The following NAALADL2 variants were observed in gnomAD, a reference collection of about 807,000 sequenced individuals.
NAALADL2 encodes inactive N-acetylated-alpha-linked acidic dipeptidase-like protein 2.
A neutral mutation model predicts 87.2 loss-of-function variants in NAALADL2; 76 were observed. The ratio of observed to expected loss-of-function variants is 0.87; its 90% CI spans 0.72 to 1.05. The LOEUF is 1.05. Ranked by LOEUF, NAALADL2 falls within the 50% of genes least tolerant of loss-of-function variation. The pLI, the probability that NAALADL2 is intolerant of heterozygous loss-of-function variation, is 0.00. For missense variants in NAALADL2, 1,089 were observed against 945.8 expected, an observed-to-expected ratio of 1.15 and a Z score of -1.99; for synonymous variants, 354 against 331.0, an observed-to-expected ratio of 1.07 and a Z score of -0.75.
chr3:175,219,985 TC>T (rs1178521221), intron 2 of NAALADL2, among the ~76,000 whole-genome samples: 1 of 151,576 alleles, frequency 6.6e-6, no homozygotes, highest in Non-Finnish European at 1.5e-5. Flanking sequence ...AATGCTCTTT[TC>T]CAAACTTAGG....
At chr3:174,681,872 C>T (rs1170536566) in intron 2 of NAALADL2, among the ~76,000 whole-genome samples, 1 of 152,180 alleles carries the variant, frequency 6.6e-6, no homozygotes, top group East Asian at 1.9e-4. Flanking sequence ...TCTTTGATTG[C>T]ATTTCTGGAC....
At chr3:175,334,230 A>T (rs1761738738) in intron 5 of NAALADL2, among the ~76,000 whole-genome samples, 1 of 152,138 alleles carries the variant, frequency 6.6e-6, no homozygotes. Context: ...GGACAAAGCT[A>T]GATTAGGTAG....
intron 9 of NAALADL2, among the ~76,000 whole-genome samples, chr3:175,560,414 T>G (rs899938097): frequency 3.9e-5 from 6 of 152,272 alleles, no homozygotes; most frequent in Non-Finnish European, 5.9e-5. Flanking sequence ...TTTGTCTTGT[T>G]TTCATTTTAA....
At chr3:175,698,946 A>G (rs35198131) in intron 11 of NAALADL2, among the ~76,000 whole-genome samples, 2 of 152,104 alleles carry the variant, frequency 1.3e-5, no homozygotes, top group Non-Finnish European at 2.9e-5. Context: ...CTAATTCAGT[A>G]ATATACAACA....
intron 5 of NAALADL2, among the ~76,000 whole-genome samples, chr3:175,389,325 T>A (rs1560475410): frequency 6.6e-6 from 1 of 152,200 alleles, no homozygotes. Context: ...CCTGGCAGAA[T>A]TTACATTTAG....
intron 1 of NAALADL2, among the ~76,000 whole-genome samples, chr3:174,524,184 C>G (rs905891637): frequency 6.6e-6 from 1 of 152,040 alleles, no homozygotes; most frequent in Non-Finnish European, 1.5e-5. Context: ...GTATGATTGC[C>G]ACTACCTCTT....
At chr3:174,997,120 T>C (rs1216432756) in intron 1 of NAALADL2, among the ~76,000 whole-genome samples, 9 of 151,768 alleles carry the variant, frequency 5.9e-5, no homozygotes, top group Non-Finnish European at 1.2e-4. Flanking sequence ...AGCTTTGCAA[T>C]TGAGAATTGT....
intron 6 of NAALADL2, among the ~76,000 whole-genome samples, chr3:175,458,347 T>A (rs1234673561): frequency 1.3e-5 from 2 of 151,506 alleles, no homozygotes; most frequent in African/African-American, 4.8e-5. Flanking sequence ...GATTTATATC[T>A]GTATTTACTT....
At chr3:175,651,116 A>C (rs750330444) in intron 11 of NAALADL2, among the ~76,000 whole-genome samples, 1 of 152,114 alleles carries the variant, frequency 6.6e-6, no homozygotes, top group Non-Finnish European at 1.5e-5. Flanking sequence ...TCCCTGAAAA[A>C]ATTTTTTTAG....
rs115513131 is a variant in NAALADL2 at position 175,515,232 on chromosome 3, A to T, written c.1653+43474A>T. On this transcript the variant is annotated intron_variant, in intron 9 of 13. Transcript: ENST00000454872. ...CCATTAAAAATAGGCTATAAATTAG[A>T]GCAAGAAAATTCTGTCACACAGAAA... 3.0e-3 allele frequency among the ~76,000 whole-genome samples: 453 copies of T among 152,294 alleles called. 4 individuals carry two copies. Among genetic ancestry groups the T allele is most frequent in the African/African-American group, 0.01 (432 of 41,574 alleles).
intron 4 of NAALADL2, among the ~76,000 whole-genome samples, chr3:175,320,367 G>C (rs1205505942): frequency 3.3e-5 from 5 of 152,160 alleles, no homozygotes; most frequent in Non-Finnish European, 7.3e-5. Context: ...TGTCTCAAAT[G>C]ACAGGGTCTA....
At chr3:175,500,338 T>C (rs1280398924) in intron 9 of NAALADL2, among the ~76,000 whole-genome samples, 1 of 151,994 alleles carries the variant, frequency 6.6e-6, no homozygotes, top group Non-Finnish European at 1.5e-5. Flanking sequence ...GAAGTAGAGA[T>C]GGTAGTTTTT....
intron 1 of NAALADL2, chr3:174,864,134 A>T (rs1726848920): frequency 2.2e-6 from 1 of 450,290 alleles, no homozygotes; most frequent in Non-Finnish European, 4.5e-6. Context: ...GGTGCATGTG[A>T]AGATGGACTG....
At position 175,165,863 on chromosome 3, in the gene NAALADL2, C is replaced by G. The variant is rs1047856418; in HGVS notation, c.546-68068C>G. 2.0e-5 allele frequency among the ~76,000 whole-genome samples: 3 copies of G among 151,908 alleles called. No individual in the cohort carries two copies. In the South Asian group the frequency reaches 6.2e-4, roughly 32 times the overall value. The stretch of plus-strand genomic sequence containing the variant: ...TTAGCATCTTTACTGCCTCCCAGTG[C>G]CCTTCACTCTGATTGATCCACCCTC... On this transcript the variant is annotated intron_variant, in intron 2 of 13. Transcript: ENST00000454872.
intron 2 of NAALADL2, among the ~76,000 whole-genome samples, chr3:175,099,202 A>G (rs1721698177): frequency 6.6e-6 from 1 of 152,138 alleles, no homozygotes; most frequent in African/African-American, 2.4e-5. Context: ...TAAAATTTAA[A>G]ATAAATAATA....
intron 9 of NAALADL2, among the ~76,000 whole-genome samples, chr3:175,492,473 C>A (rs61064320): frequency 1.3e-5 from 2 of 152,018 alleles, no homozygotes; most frequent in African/African-American, 2.4e-5. Context: ...ATGATAAGTG[C>A]CATTCAAAGG....
At chr3:174,842,875 T>C (rs1724180009) in intron 3 of NAALADL2, among the ~76,000 whole-genome samples, 1 of 152,076 alleles carries the variant, frequency 6.6e-6, no homozygotes, top group Non-Finnish European at 1.5e-5. Flanking sequence ...GGAAATATCA[T>C]TGAAATTACA....
chr3:175,520,577 C>T (rs10936850), intron 9 of NAALADL2, among the ~76,000 whole-genome samples: 33,145 of 152,006 alleles, frequency 0.22, 4,884 homozygotes, highest in African/African-American at 0.42. Context: ...GGATTACAGG[C>T]GTGAGCCACC....
intron 10 of NAALADL2, among the ~76,000 whole-genome samples, chr3:175,604,849 G>T (rs1048420210): frequency 1.3e-5 from 2 of 152,108 alleles, no homozygotes; most frequent in African/African-American, 2.4e-5. Context: ...GCACAAGATG[G>T]ACAATAATGA....
Sources: allele counts gnomAD v4.1 joint callset (sites outside exome capture counted in the v4.1 genomes callset), GRCh38; gene constraint gnomAD v4.1.1; transcripts MANE v1.5; gene names NCBI Gene and HGNC (gene_info 2026-07-23, HGNC 2026-07-21).